The following EVC2 variants were observed in gnomAD, a reference collection of about 807,000 sequenced individuals.
The protein encoded by EVC2 is limbin.
Under a neutral mutation model 149.3 loss-of-function variants are expected in EVC2, and 148 were observed. The ratio of observed to expected loss-of-function variants is 0.99; its 90% CI spans 0.87 to 1.14. EVC2 has a LOEUF of 1.14. Among genes scored for constraint, EVC2 ranks in the 50% most tolerant of loss-of-function variants. The pLI is 0.00. For missense variants in EVC2, 1,854 were observed against 1,627.3 expected, an observed-to-expected ratio of 1.14 and a Z score of -2.40; for synonymous variants, 776 against 649.9, an observed-to-expected ratio of 1.19 and a Z score of -2.95.
intron 13 of EVC2, 44 bp from the exon 14 acceptor site, chr4:5,623,035 G>A (rs775317251): frequency 4.7e-5 from 74 of 1,590,188 alleles, no homozygotes; most frequent in African/African-American, 1.2e-4. Context: ...GGGGCTTGGC[G>A]GGTACAGTCC....
At chr4:5,571,190 T>C (rs1233417850) in intron 19 of EVC2, among the ~76,000 whole-genome samples, 1 of 151,720 alleles carries the variant, frequency 6.6e-6, no homozygotes, top group African/African-American at 2.4e-5. Flanking sequence ...TGGTGGCGTG[T>C]GCCTGTAATC....
At chr4:5,584,376 A>G (rs1286968221) in intron 17 of EVC2, among the ~76,000 whole-genome samples, 1 of 152,182 alleles carries the variant, frequency 6.6e-6, no homozygotes. Context: ...CAATGAACCC[A>G]TGGCACCTGC....
At chr4:5,702,313 G>A (rs757562687) in intron 1 of EVC2, among the ~76,000 whole-genome samples, 9 of 152,170 alleles carry the variant, frequency 5.9e-5, no homozygotes, top group Admixed American at 2.0e-4. Context: ...ACACCACATA[G>A]TAACATGATT....
At chr4:5,542,186 T>G (rs1223447835), downstream of EVC2, among the ~76,000 whole-genome samples, 1 of 152,144 alleles carries the variant, frequency 6.6e-6, no homozygotes, top group Non-Finnish European at 1.5e-5. Context: ...GTGTGGTCAC[T>G]CACACCTGTA....
In EVC2 at chr4:5,685,457, G is replaced by A. The variant is rs59256682; in HGVS notation, c.729C>T (p.Ser243=). The change falls in exon 6 of 22, where the codon AGC becomes AGT. Residue 243 remains serine (S), a synonymous_variant. Transcript: ENST00000344408. The part of the protein sequence containing the change: ...FLQVGDAFAV[S]YAATLQAGDL... The stretch of plus-strand genomic sequence containing the variant: ...CTCCAGCCTGGAGCGTGGCTGCGTA[G>A]CTGACAGCAAAGGCATCTCCCACTG... The A allele has an allele frequency of 6.2e-7, 1 of 1,614,200 alleles. No individual in the cohort carries two copies. Among genetic ancestry groups the A allele is most frequent in the South Asian group, 1.1e-5 (1 of 91,086 alleles).
chr4:5,691,386 A>G, intron 3 of EVC2, 53 bp from the exon 4 acceptor site: 1 of 1,406,620 alleles, frequency 7.1e-7, no homozygotes. Flanking sequence ...CATGCTATAC[A>G]TATTTAATAA....
At chr4:5,547,193 G>A (rs1479512487) in intron 21 of EVC2, among the ~76,000 whole-genome samples, 1 of 152,240 alleles carries the variant, frequency 6.6e-6, no homozygotes, top group Non-Finnish European at 1.5e-5. Context: ...TTCGCCAGGT[G>A]TGCACACACT....
At chr4:5,708,859 T>G, upstream of EVC2, 5 of 213,944 alleles carry the variant, frequency 2.3e-5, no homozygotes, top group African/African-American at 2.3e-5. Context: ...TCAGACGCAC[T>G]TCCCCTGGGA....
chr4:5,627,789 G>A (rs1464825149), intron 12 of EVC2, among the ~76,000 whole-genome samples: 1 of 152,104 alleles, frequency 6.6e-6, no homozygotes, highest in African/African-American at 2.4e-5. Context: ...AACCATCCCT[G>A]TATTTATACT....
At position 5,618,333 on chromosome 4, in the gene EVC2, C is replaced by T; in HGVS notation, c.2706+145G>A. On this transcript the variant is annotated intron_variant, in intron 15 of 21. Coordinates refer to ENST00000344408, the MANE Select transcript of EVC2 (RefSeq NM_147127.5). The surrounding 1 kb of genome is among the most constrained non-coding windows in gnomAD (Gnocchi z 4.4). ...ACAGCCCTGGAGATTCCTGGAATAGCTGGACACCAATGCAGCCAGAGAGGA... is the reference window on the plus strand; with the variant it reads ...ACAGCCCTGGAGATTCCTGGAATAGTTGGACACCAATGCAGCCAGAGAGGA... The T allele has an allele frequency of 1.1e-6, 1 of 906,674 alleles. No individual in the cohort carries two copies. The highest frequency in any genetic ancestry group is 1.8e-6 in the Non-Finnish European group (1 of 567,794). The allele number at this position is 906,674 out of a possible 1,614,324, so 56.2% of individuals were successfully genotyped here.
intron 4 of EVC2, 113 bp from the exon 5 acceptor site, chr4:5,689,456 A>C: frequency 9.4e-7 from 1 of 1,058,522 alleles, no homozygotes; most frequent in Non-Finnish European, 1.4e-6. Flanking sequence ...GGAGGGTAGC[A>C]CGGTCTCGCA....
Position 5,640,696 on chromosome 4 carries a change from C to T in EVC2, c.1288G>A (p.Ala430Thr), listed in dbSNP as rs559999180. The T allele has an allele frequency of 6.2e-7, 1 of 1,613,852 alleles. No homozygotes were observed. Among genetic ancestry groups the T allele is most frequent in the South Asian group, 1.1e-5 (1 of 91,054 alleles). ...LSPQVERKMS[A>T]VFKKQFLLLE... is the part of the protein sequence containing the mutation. ...AATAGAAACTGCTTTTTGAAAACAGCACTCATTTTTCTCTCTACTTGGGGT... is the reference window on the plus strand; with the variant it reads ...AATAGAAACTGCTTTTTGAAAACAGTACTCATTTTTCTCTCTACTTGGGGT... The change falls in exon 10 of 22, where the codon GCT becomes ACT. Residue 430 changes from alanine to threonine, a missense_variant. Coordinates refer to ENST00000344408, the MANE Select transcript of EVC2 (RefSeq NM_147127.5). The surrounding 1 kb of genome is among the most constrained non-coding windows in gnomAD (Gnocchi z 4.6).
At position 5,680,268 on chromosome 4, in the gene EVC2, T is replaced by C. The variant is rs182952551; in HGVS notation, c.870+992A>G. ...ATAGTAAATACGTAAACCAGCAACA[T>C]AGTCTTTTAGTGTCATTATCAAGTA... On this transcript the variant is annotated intron_variant, in intron 7 of 21. Coordinates refer to ENST00000344408, the MANE Select transcript of EVC2 (RefSeq NM_147127.5). Among the ~76,000 whole-genome samples, 222 of 152,322 alleles carry C rather than the reference T, an allele frequency of 1.5e-3. 1 individual carries two copies. Among genetic ancestry groups the C allele is most frequent in the Admixed American group, 8.5e-4 (13 of 15,298 alleles).
intron 11 of EVC2, among the ~76,000 whole-genome samples, chr4:5,630,148 C>G (rs1185944258): frequency 6.6e-6 from 1 of 152,140 alleles, no homozygotes; most frequent in African/African-American, 2.4e-5. Flanking sequence ...TGGGAAAAAC[C>G]TAGATTAAAT....
chr4:5,551,837 G>T (rs1377249568), intron 21 of EVC2, among the ~76,000 whole-genome samples: 2 of 152,104 alleles, frequency 1.3e-5, no homozygotes, highest in African/African-American at 2.4e-5. Context: ...AGTCTCACAA[G>T]ATCTGATGAT....
intron 2 of EVC2, 89 bp from the exon 3 acceptor site, chr4:5,694,590 T>C (rs1577264273): frequency 8.8e-6 from 13 of 1,473,078 alleles, no homozygotes; most frequent in African/African-American, 1.4e-5. Context: ...ACAGGGTACA[T>C]GGAAGGTACT....
rs188028511 is a variant in EVC2, at chr4:5,610,895, G to A, written c.2829+4527C>T. Among the ~76,000 whole-genome samples, 573 of 150,158 alleles carry A rather than the reference G, an allele frequency of 3.8e-3. 3 individuals carry two copies. Among genetic ancestry groups the A allele is most frequent in the Middle Eastern group, 6.9e-3 (2 of 290 alleles). On this transcript the variant is annotated intron_variant, in intron 16 of 21. Transcript: ENST00000344408. ...GGATGGGTAAGCTGGAAAGACCCAG[G>A]TTTCCTATCCAAATGGACGTGGCTT...
chr4:5,605,549 A>G (rs1017131507), intron 16 of EVC2, among the ~76,000 whole-genome samples: 1 of 152,194 alleles, frequency 6.6e-6, no homozygotes, highest in African/African-American at 2.4e-5. Flanking sequence ...TCTATTTCCA[A>G]TCATTGGTAA....
intron 1 of EVC2, among the ~76,000 whole-genome samples, chr4:5,702,874 G>A (rs1721911788): frequency 6.6e-6 from 1 of 152,140 alleles, no homozygotes; most frequent in Admixed American, 6.5e-5. Flanking sequence ...TCTGTAAAAT[G>A]GGAATGTTAT....
Sources: allele counts gnomAD v4.1 joint callset (sites outside exome capture counted in the v4.1 genomes callset), GRCh38; gene constraint gnomAD v4.1.1; non-coding constraint Gnocchi (gnomAD v3.1); transcripts MANE v1.5; gene names NCBI Gene and HGNC (gene_info 2026-07-23, HGNC 2026-07-21).